The following MYOCOS variants were observed in gnomAD, a reference collection of about 807,000 sequenced individuals.
MYOCOS encodes myocilin opposite strand protein.
At chr1:171,624,871 A>C (rs1356244235) in intron 2 of MYOCOS, among the ~76,000 whole-genome samples, 1 of 152,154 alleles carries the variant, frequency 6.6e-6, no homozygotes, top group African/African-American at 2.4e-5. Flanking sequence ...GATGAGAGCC[A>C]CTGTGCCTGG....
At chr1:171,603,768 T>C (rs948482683) in intron 1 of MYOCOS, among the ~76,000 whole-genome samples, 5 of 152,240 alleles carry the variant, frequency 3.3e-5, no homozygotes, top group African/African-American at 1.2e-4. Flanking sequence ...GCCAGTGGCC[T>C]ATCTCTCAAA....
At position 171,626,605 on chromosome 1, in the gene MYOCOS, G is replaced by A. The variant is rs1003710810; in HGVS notation, c.*4G>A. 2.5e-6 allele frequency: 1 copy of A among 398,522 alleles called. No individual in the cohort carries two copies. The highest frequency in any genetic ancestry group is 4.4e-6 in the Non-Finnish European group (1 of 226,038). The allele number at this position is 398,522 out of a possible 1,614,324, so 24.7% of individuals were successfully genotyped here. On this transcript the variant is annotated 3_prime_UTR_variant, in exon 3 of 3. Coordinates refer to ENST00000637642, the MANE Select transcript of MYOCOS (RefSeq NM_001391940.1). Reference sequence around the variant, plus strand: ...TGAGGATCCCACGGTCTCCTAAGATGTAAAACTTATTTTGAAGTGAATTCT... The same window carrying A: ...TGAGGATCCCACGGTCTCCTAAGATATAAAACTTATTTTGAAGTGAATTCT...
At chr1:171,605,085 A>ATT (rs34569537) in intron 1 of MYOCOS, among the ~76,000 whole-genome samples, 14 of 147,976 alleles carry the variant, frequency 9.5e-5, no homozygotes, top group African/African-American at 1.7e-4. Context: ...GAAAAACTAA[A>ATT]TTTTTTTTTT....
chr1:171,621,664 C>T (rs961962348), upstream of MYOCOS, among the ~76,000 whole-genome samples: 1 of 152,040 alleles, frequency 6.6e-6, no homozygotes, highest in Non-Finnish European at 1.5e-5. Context: ...CATGAGCCAC[C>T]GCGCCTGGCC....
upstream of MYOCOS, among the ~76,000 whole-genome samples, chr1:171,621,374 G>GTTTTTTTTTTTTTT (rs397974158): frequency 1.7e-5 from 2 of 115,150 alleles, 1 homozygote; most frequent in African/African-American, 6.8e-5. Context: ...TCTATGGTGG[G>GTTTTTTTTTTTTTT]TTTTTTTTTT....
intron 1 of MYOCOS, among the ~76,000 whole-genome samples, chr1:171,604,833 C>G (rs1477409677): frequency 6.6e-6 from 1 of 152,108 alleles, no homozygotes; most frequent in East Asian, 1.9e-4. Flanking sequence ...CTGTTTAGCT[C>G]CAAAAAGGAA....
At chr1:171,625,472 G>A (rs948044905) in intron 2 of MYOCOS, among the ~76,000 whole-genome samples, 1 of 152,240 alleles carries the variant, frequency 6.6e-6, no homozygotes, top group Admixed American at 6.5e-5. Flanking sequence ...TGTGGGGGCT[G>A]AGATTCTACA....
chr1:171,620,422 CT>C (rs1396145171), upstream of MYOCOS, among the ~76,000 whole-genome samples: 2 of 152,194 alleles, frequency 1.3e-5, no homozygotes, highest in African/African-American at 4.8e-5. Flanking sequence ...CAAAGCTGTT[CT>C]TTTTGGGGGC....
intron 1 of MYOCOS, among the ~76,000 whole-genome samples, chr1:171,605,776 T>C (rs1652233225): frequency 6.6e-6 from 1 of 152,098 alleles, no homozygotes; most frequent in Admixed American, 6.5e-5. Context: ...AGATGGCTCA[T>C]AAGGATATCG....
chr1:171,621,427 G>C (rs1022850823), upstream of MYOCOS, among the ~76,000 whole-genome samples: 3 of 136,398 alleles, frequency 2.2e-5, no homozygotes, highest in Non-Finnish European at 3.0e-5. Flanking sequence ...CCAGGCTAGA[G>C]TGCAGTGGCG....
intron 2 of MYOCOS, among the ~76,000 whole-genome samples, chr1:171,615,815 A>T (rs1221235577): frequency 1.3e-5 from 2 of 152,224 alleles, no homozygotes; most frequent in Non-Finnish European, 2.9e-5. Flanking sequence ...ATTTTAAGGC[A>T]GTAGCTTGCC....
chr1:171,623,871 T>A lies in MYOCOS; in HGVS notation c.-13T>A. On this transcript the variant is annotated 5_prime_UTR_variant, in exon 2 of 3. Coordinates refer to ENST00000637642, the MANE Select transcript of MYOCOS (RefSeq NM_001391940.1). The stretch of plus-strand genomic sequence containing the variant: ...GTAACTTTAAATTCCTCAAATCCCC[T>A]GAGTGCAAGGCCATGGCTCAGAAAA... 1 of 398,578 alleles carries A rather than the reference T, an allele frequency of 2.5e-6. No homozygotes were observed. Among genetic ancestry groups the A allele is most frequent in the Non-Finnish European group, 4.4e-6 (1 of 226,082 alleles). The allele number at this position is 398,578 out of a possible 1,614,324, so 24.7% of individuals were successfully genotyped here.
intron 2 of MYOCOS, among the ~76,000 whole-genome samples, chr1:171,624,622 G>T (rs1352708910): frequency 3.6e-5 from 5 of 138,502 alleles, no homozygotes; most frequent in South Asian, 2.3e-4. Context: ...GTGTGTGTGT[G>T]TTTTTTTTTA....
upstream of MYOCOS, among the ~76,000 whole-genome samples, chr1:171,620,872 C>A (rs1021306921): frequency 6.8e-6 from 1 of 147,852 alleles, no homozygotes; most frequent in East Asian, 2.0e-4. Flanking sequence ...CGGGTTCAAG[C>A]GATTCTCCTG....
upstream of MYOCOS, among the ~76,000 whole-genome samples, chr1:171,621,430 C>CA (rs1181608377): frequency 9.8e-5 from 13 of 133,228 alleles, no homozygotes; most frequent in Non-Finnish European, 1.7e-4. Flanking sequence ...GGCTAGAGTG[C>CA]AGTGGCGCGA....
At chr1:171,625,297 C>A (rs1195614024) in intron 2 of MYOCOS, among the ~76,000 whole-genome samples, 1 of 152,154 alleles carries the variant, frequency 6.6e-6, no homozygotes, top group Non-Finnish European at 1.5e-5. Flanking sequence ...TTCCCATCAT[C>A]CCACATCCTC....
At chr1:171,620,086 T>TATAA (rs1553253915), upstream of MYOCOS, among the ~76,000 whole-genome samples, 16 of 147,670 alleles carry the variant, frequency 1.1e-4, no homozygotes, top group African/African-American at 3.7e-4. Context: ...TATATATATA[T>TATAA]AACCTATATA....
At chr1:171,626,238 A>G (rs890396829) in intron 2 of MYOCOS, among the ~76,000 whole-genome samples, 33 of 152,080 alleles carry the variant, frequency 2.2e-4, no homozygotes, top group African/African-American at 7.7e-4. Context: ...GCATGCTACC[A>G]TGCCTGGCTA....
intron 1 of MYOCOS, among the ~76,000 whole-genome samples, chr1:171,612,893 A>G (rs1042433732): frequency 6.6e-6 from 1 of 152,224 alleles, no homozygotes; most frequent in Non-Finnish European, 1.5e-5. Context: ...ATTTCCAAAT[A>G]TGTCCATTCC....
Sources: gnomAD v4.1 joint callset for allele counts (sites outside exome capture counted in the v4.1 genomes callset) on GRCh38, gnomAD v4.1.1 for gene constraint, MANE v1.5 for transcripts, NCBI Gene and HGNC (gene_info 2026-07-23, HGNC 2026-07-21) for gene names.